Variants in COL13A1 observed in about 807,000 individuals in gnomAD.
The protein encoded by COL13A1 is collagen alpha-1(XIII) chain.
COL13A1 carries 89 observed loss-of-function variants against 130.9 expected under a neutral mutation model. The ratio of observed to expected loss-of-function variants is 0.68; its 90% confidence interval spans 0.57 to 0.81. The LOEUF is 0.81. COL13A1 is among the 30% of genes least tolerant of loss of function. The pLI is 0.00. For synonymous variants in COL13A1, 402 were observed against 341.6 expected, an observed-to-expected ratio of 1.18 and a Z score of -1.95; for missense variants, 879 against 934.6, an observed-to-expected ratio of 0.94 and a Z score of 0.78.
At chr10:69,809,231 G>A (rs867656446) in intron 1 of COL13A1, among the ~76,000 whole-genome samples, 4 of 152,202 alleles carry the variant, frequency 2.6e-5, no homozygotes, top group African/African-American at 7.2e-5. Context: ...GGTTGTTGTA[G>A]GATTAAATGA....
intron 8 of COL13A1, among the ~76,000 whole-genome samples, chr10:69,887,856 G>A (rs540556328): frequency 8.5e-5 from 13 of 152,302 alleles, no homozygotes; most frequent in African/African-American, 2.9e-4. Context: ...GAGATCCAGC[G>A]AGGGGGAGGC....
At chr10:69,803,260 G>T (rs1389916793) in intron 1 of COL13A1, among the ~76,000 whole-genome samples, 1 of 152,248 alleles carries the variant, frequency 6.6e-6, no homozygotes, top group Non-Finnish European at 1.5e-5. Flanking sequence ...AGTGTGGGTC[G>T]CCTGGCTCTG....
At chr10:69,935,166 G>A (rs753036425) in intron 31 of COL13A1, among the ~76,000 whole-genome samples, 184 bp from the exon 32 acceptor site, 41 of 152,090 alleles carry the variant, frequency 2.7e-4, no homozygotes, top group Non-Finnish European at 4.7e-4. Flanking sequence ...GCAGTCCACC[G>A]GGTTGCTATG....
intron 12 of COL13A1, 68 bp from the exon 13 acceptor site, chr10:69,895,467 TCCTGAAGTGCTGGGG>T: frequency 6.8e-7 from 1 of 1,460,814 alleles, no homozygotes; most frequent in Non-Finnish European, 9.6e-7. Flanking sequence ...GTGTGGCATG[TCCTGAAGTGCTGGGG>T]GTGCCCTGAG....
intron 2 of COL13A1, among the ~76,000 whole-genome samples, chr10:69,829,823 A>C (rs1360102538): frequency 6.6e-6 from 1 of 152,216 alleles, no homozygotes; most frequent in African/African-American, 2.4e-5. Context: ...CTGCCCCTGG[A>C]AGAGCCTTTT....
intron 2 of COL13A1, among the ~76,000 whole-genome samples, chr10:69,867,033 G>A (rs920811790): frequency 2.6e-5 from 4 of 152,034 alleles, no homozygotes; most frequent in Non-Finnish European, 4.4e-5. Flanking sequence ...CTTCCCTCCC[G>A]CTCCCCACCC....
chr10:69,941,023 G>A lies in COL13A1; in HGVS notation c.1914G>A (p.Pro638=), dbSNP rs750366383. The change falls in exon 35 of 41, where the codon CCG becomes CCA. Residue 638 remains proline, a splice_region_variant and synonymous_variant. Coordinates refer to ENST00000645393, the MANE Select transcript of COL13A1 (RefSeq NM_001368882.1). The part of the protein sequence containing the change: ...ASGLDGRPGP[P]GTPGPIGVPG... ...GTTTGGACGGCAGGCCTGGGCCACCGGTGAGTGTCACTTCTCCATCACCCC... is the reference window on the plus strand; with the variant it reads ...GTTTGGACGGCAGGCCTGGGCCACCAGTGAGTGTCACTTCTCCATCACCCC... 5.0e-5 allele frequency: 81 copies of A among 1,613,660 alleles called. No individual in the cohort carries two copies. The highest frequency in any genetic ancestry group is 6.4e-5 in the Non-Finnish European group (75 of 1,179,834).
At chr10:69,816,377 A>C (rs1844520348) in intron 1 of COL13A1, among the ~76,000 whole-genome samples, 1 of 151,526 alleles carries the variant, frequency 6.6e-6, no homozygotes, top group African/African-American at 2.4e-5. Context: ...GGGAGAGTCT[A>C]TCAGAAGCTC....
chr10:69,835,925 T>C (rs73267735), intron 2 of COL13A1, among the ~76,000 whole-genome samples: 2,971 of 152,368 alleles, frequency 0.019, 103 homozygotes, highest in African/African-American at 0.067. Flanking sequence ...AATTACTTTA[T>C]GTGGCAGGTA....
chr10:69,902,669 TG>T (rs1471747782), intron 14 of COL13A1, 78 bp from the exon 15 acceptor site: 2 of 1,180,194 alleles, frequency 1.7e-6, no homozygotes, highest in Non-Finnish European at 2.4e-6. Context: ...AGGCCTTCAC[TG>T]GGTGCATGGC....
intron 22 of COL13A1, 54 bp downstream of exon 22, chr10:69,921,989 C>T (rs1565070334): frequency 2.6e-6 from 4 of 1,549,716 alleles, no homozygotes; most frequent in East Asian, 2.4e-5. Flanking sequence ...ACATCCCATA[C>T]CTGGCCCTGC....
chr10:69,924,407 T>A (rs2065075198), intron 24 of COL13A1, among the ~76,000 whole-genome samples: 1 of 152,160 alleles, frequency 6.6e-6, no homozygotes, highest in Admixed American at 6.5e-5. Context: ...CTCTGTCCTG[T>A]TTGCAACAGG....
At chr10:69,937,549 C>T (rs946745293) in intron 33 of COL13A1, 86 bp from the exon 34 acceptor site, 1 of 698,682 alleles carries the variant, frequency 1.4e-6, no homozygotes, top group South Asian at 1.7e-5. Context: ...ACAAATGCCA[C>T]CCCAGCCTCC....
At chr10:69,867,906 C>T in intron 3 of COL13A1, 101 bp downstream of exon 3, 1 of 708,180 alleles carries the variant, frequency 1.4e-6, no homozygotes, top group Non-Finnish European at 2.6e-6. Flanking sequence ...CCCCTGCTGT[C>T]TTGTTGGGGG....
At chr10:69,815,307 C>G (rs1589192644) in intron 1 of COL13A1, among the ~76,000 whole-genome samples, 1 of 152,288 alleles carries the variant, frequency 6.6e-6, no homozygotes, top group East Asian at 1.9e-4. Context: ...CAGGCTGGAG[C>G]CACATTCTCT....
chr10:69,823,446 A>G (rs1478335232), intron 2 of COL13A1, among the ~76,000 whole-genome samples: 1 of 152,164 alleles, frequency 6.6e-6, no homozygotes, highest in African/African-American at 2.4e-5. Flanking sequence ...TTGGTCCGCT[A>G]CTGGCCTCTG....
At chr10:69,858,562 T>C (rs1434096493) in intron 2 of COL13A1, among the ~76,000 whole-genome samples, 1 of 152,202 alleles carries the variant, frequency 6.6e-6, no homozygotes, top group African/African-American at 2.4e-5. Flanking sequence ...CGACACTGTG[T>C]GCATGTGTCT....
rs964502179 is a variant in COL13A1 at position 69,930,520 on chromosome 10, G to A, written c.1651G>A (p.Glu551Lys). The change falls in exon 30 of 41, where the codon GAA (glutamate) becomes AAA (lysine). Residue 551 changes from glutamate to lysine, a missense_variant. Around this residue, in one of 3 missense-constraint regions of COL13A1, gnomAD observed 715 missense variants for 721.0 expected, o/e 0.99. Coordinates refer to ENST00000645393, the MANE Select transcript of COL13A1 (RefSeq NM_001368882.1). ...GHPGSPGEKG[E>K]KGETGQAGSP... is the part of the protein sequence containing the mutation. Reference sequence around the variant, plus strand: ...CCCAGGGAGCCCAGGAGAGAAGGGGGAAAAAGGGGAGACAGGACAAGCAGG... The same window carrying A: ...CCCAGGGAGCCCAGGAGAGAAGGGGAAAAAAGGGGAGACAGGACAAGCAGG... The A allele has an allele frequency of 1.4e-5, 22 of 1,613,236 alleles. No individual in the cohort carries two copies. Among genetic ancestry groups the A allele is most frequent in the East Asian group, 2.2e-5 (1 of 44,870 alleles).
intron 5 of COL13A1, among the ~76,000 whole-genome samples, chr10:69,875,743 G>A (rs11817122): frequency 2.0e-5 from 3 of 152,248 alleles, no homozygotes; most frequent in Non-Finnish European, 4.4e-5. Context: ...GATGGAGAGG[G>A]TGTTTCCCAG....
Sources: allele counts gnomAD v4.1 joint callset (sites outside exome capture counted in the v4.1 genomes callset), GRCh38; gene constraint gnomAD v4.1.1; regional missense constraint gnomAD v4.1.1; transcripts MANE v1.5; gene names NCBI Gene and HGNC (gene_info 2026-07-23, HGNC 2026-07-21).